The following CGGBP1 variants were observed in gnomAD, a reference collection of about 807,000 sequenced individuals.
CGGBP1 encodes CGG triplet repeat binding protein 1.
A neutral mutation model predicts 11.4 loss-of-function variants in CGGBP1; 4 were observed. That is an observed-to-expected ratio of 0.35 (90% confidence interval 0.17 to 0.80). The LOEUF is 0.80. CGGBP1 is among the 30% of genes least tolerant of loss of function. CGGBP1 has a pLI of 0.52. For missense variants in CGGBP1, 135 were observed against 202.1 expected, an observed-to-expected ratio of 0.67 and a Z score of 2.01; for synonymous variants, 76 against 74.1, an observed-to-expected ratio of 1.03 and a Z score of -0.13.
chr3:88,098,452 A>G (rs1443594132), intron 2 of CGGBP1, among the ~76,000 whole-genome samples: 1 of 152,224 alleles, frequency 6.6e-6, no homozygotes, highest in Non-Finnish European at 1.5e-5. Context: ...ATCAATAGAA[A>G]AAGAGGGAAT....
chr3:88,082,660 TG>T (rs1015351515), intron 2 of CGGBP1, among the ~76,000 whole-genome samples: 2 of 152,170 alleles, frequency 1.3e-5, no homozygotes, highest in African/African-American at 4.8e-5. Context: ...GGTTTAGATA[TG>T]AAGATCATTG....
intron 2 of CGGBP1, chr3:88,139,992 T>C (rs1169607309): frequency 6.2e-7 from 1 of 1,613,672 alleles, no homozygotes; most frequent in Non-Finnish European, 8.5e-7. Flanking sequence ...TCCAACCGAT[T>C]TAAATGTGCG....
chr3:88,129,731 T>C, intron 2 of CGGBP1: 1 of 1,528,326 alleles, frequency 6.5e-7, no homozygotes, highest in Non-Finnish European at 8.8e-7. Flanking sequence ...ATATCATCTG[T>C]AATGCTGAAA....
intron 2 of CGGBP1, among the ~76,000 whole-genome samples, chr3:88,084,694 A>G (rs1419767149): frequency 1.3e-5 from 2 of 152,218 alleles, no homozygotes; most frequent in Admixed American, 6.5e-5. Context: ...TTTGCCTGCC[A>G]CAGTTTTACA....
upstream of CGGBP1, among the ~76,000 whole-genome samples, chr3:88,061,223 C>G (rs1559682887): frequency 6.6e-6 from 1 of 152,006 alleles, no homozygotes. Context: ...GGCTGAAAAT[C>G]TATTTAATTT....
intron 2 of CGGBP1, among the ~76,000 whole-genome samples, chr3:88,079,132 CAACCT>C (rs1296694642): frequency 6.6e-6 from 1 of 152,024 alleles, no homozygotes; most frequent in African/African-American, 2.4e-5. Context: ...TTTGCTGACT[CAACCT>C]AAAGTAACTT....
At chr3:88,090,986 A>T (rs182674473) in intron 2 of CGGBP1, among the ~76,000 whole-genome samples, 1 of 152,320 alleles carries the variant, frequency 6.6e-6, no homozygotes, top group African/African-American at 2.4e-5. Flanking sequence ...GTTTTATGCT[A>T]TATTTTTACT....
intron 2 of CGGBP1, among the ~76,000 whole-genome samples, chr3:88,084,243 T>G (rs962859531): frequency 2.6e-5 from 4 of 152,062 alleles, no homozygotes; most frequent in Non-Finnish European, 5.9e-5. Flanking sequence ...GTAGAAAGCT[T>G]CTCTTCTAAG....
intron 2 of CGGBP1, among the ~76,000 whole-genome samples, chr3:88,096,294 CAA>C (rs972180572): frequency 1.3e-5 from 2 of 151,840 alleles, no homozygotes; most frequent in African/African-American, 4.8e-5. Flanking sequence ...AATGGAGGGA[CAA>C]AGGAAGAAGA....
Position 88,139,874 on chromosome 3 carries a change from A to T in CGGBP1, c.-229+1096T>A, listed in dbSNP as rs754521302. On this transcript the variant is annotated intron_variant, in intron 2 of 3. Transcript: ENST00000462901. ...TCAATGGAACTGTGTGCCATCCAAA[A>T]GACATATATGCCACAGATCAAGAAG... 5.6e-6 allele frequency: 9 copies of T among 1,609,058 alleles called. No individual in the cohort carries two copies. In the South Asian group the frequency reaches 8.9e-5, roughly 16 times the overall value.
chr3:88,099,862 A>G (rs1338923468), intron 2 of CGGBP1, among the ~76,000 whole-genome samples: 1 of 152,378 alleles, frequency 6.6e-6, no homozygotes, highest in East Asian at 1.9e-4. Context: ...ACCTAAAACC[A>G]TAAAAACCCT....
intron 2 of CGGBP1, among the ~76,000 whole-genome samples, chr3:88,089,173 T>C (rs1708504002): frequency 6.9e-6 from 1 of 145,856 alleles, no homozygotes; most frequent in African/African-American, 2.5e-5. Flanking sequence ...CTGGCAAGTC[T>C]TACTCAAGCT....
chr3:88,107,509 G>C (rs1426080070), intron 2 of CGGBP1, among the ~76,000 whole-genome samples: 1 of 151,894 alleles, frequency 6.6e-6, no homozygotes, highest in Admixed American at 6.6e-5. Context: ...CATTTTCTGG[G>C]CTCTCCTGAA....
intron 2 of CGGBP1, among the ~76,000 whole-genome samples, chr3:88,081,502 T>G (rs945699124): frequency 5.9e-5 from 9 of 152,340 alleles, no homozygotes; most frequent in Admixed American, 3.9e-4. Context: ...TCTTTTTCCT[T>G]CTTTCACTGT....
intron 2 of CGGBP1, among the ~76,000 whole-genome samples, chr3:88,109,635 A>T (rs1031404616): frequency 6.6e-6 from 1 of 152,170 alleles, no homozygotes; most frequent in African/African-American, 2.4e-5. Flanking sequence ...GAGTTTGTTT[A>T]TAAGTAGACC....
At chr3:88,091,789 C>A (rs1360411015) in intron 2 of CGGBP1, among the ~76,000 whole-genome samples, 1 of 152,160 alleles carries the variant, frequency 6.6e-6, no homozygotes, top group African/African-American at 2.4e-5. Flanking sequence ...TCTTGCCTGC[C>A]GCCATGTAAG....
chr3:88,136,985 A>G lies in CGGBP1; in HGVS notation c.-229+3985T>C, dbSNP rs555835157. Among the ~76,000 whole-genome samples, 36 of 152,230 alleles carry G rather than the reference A, an allele frequency of 2.4e-4. No homozygotes were observed. The South Asian group carries it at 7.5e-3, about 32-fold the overall frequency. On this transcript the variant is annotated intron_variant, in intron 2 of 3. Coordinates refer to the CGGBP1 transcript ENST00000462901. The stretch of plus-strand genomic sequence containing the variant: ...CGAGGTGGGCAGATCACTTGAGGCC[A>G]GAAGTTCAAGACCAGTCTGGCCAAC...
chr3:88,079,387 A>G (rs1236809789), intron 2 of CGGBP1, among the ~76,000 whole-genome samples: 1 of 152,116 alleles, frequency 6.6e-6, no homozygotes, highest in African/African-American at 2.4e-5. Flanking sequence ...AGAGACTATA[A>G]TAAAGATGTA....
In CGGBP1 at chr3:88,055,863, T is replaced by A; in HGVS notation, c.114A>T (p.Gly38=). The A allele has an allele frequency of 6.2e-7, 1 of 1,614,184 alleles. No homozygotes were observed. ...TEFGGELHED[G]GKLFCTSCNV... ...TGCAAGAAGTGCAGAAGAGTTTTCC[T>A]CCATCTTCATGCAGCTCACCTCCAA... The change falls in exon 4 of 4, where the codon GGA becomes GGT. Residue 38 remains glycine, a synonymous_variant. Coordinates refer to ENST00000482016, the MANE Select transcript of CGGBP1 (RefSeq NM_001008390.2). This position sits in a 1 kb window ranked among gnomAD's most constrained non-coding sequence, Gnocchi z 4.2.
Sources: gnomAD v4.1 joint callset for allele counts (sites outside exome capture counted in the v4.1 genomes callset) on GRCh38, gnomAD v4.1.1 for gene constraint, Gnocchi (gnomAD v3.1) non-coding constraint, MANE v1.5 for transcripts, NCBI Gene and HGNC (gene_info 2026-07-23, HGNC 2026-07-21) for gene names.